The following PDCD1LG2 variants were observed in gnomAD, a reference collection of about 807,000 sequenced individuals.
PDCD1LG2 encodes the protein B7 dendritic cell molecule.
PDCD1LG2 carries 32 observed loss-of-function variants against 28.2 expected under a neutral mutation model. The ratio of observed to expected loss-of-function variants is 1.13; its 90% CI spans 0.86 to 1.52. The LOEUF is 1.52. Among genes scored for constraint, PDCD1LG2 ranks in the 40% most tolerant of loss-of-function variants. The pLI is 0.00. For missense variants in PDCD1LG2, 385 were observed against 323.8 expected (o/e 1.19, Z -1.45); for synonymous variants, 116 against 120.2 (o/e 0.97, Z 0.23).
chr9:5,562,971 G>T (rs1159884349), intron 5 of PDCD1LG2, among the ~76,000 whole-genome samples, 191 bp from the exon 6 acceptor site: 3 of 152,158 alleles, frequency 2.0e-5, no homozygotes, highest in African/African-American at 7.2e-5. Context: ...AGACTTCTTT[G>T]TTCACACTCT....
At chr9:5,533,576 A>T (rs1820523891) in intron 2 of PDCD1LG2, among the ~76,000 whole-genome samples, 1 of 152,220 alleles carries the variant, frequency 6.6e-6, no homozygotes, top group Admixed American at 6.5e-5. Flanking sequence ...TCTAGTTGAA[A>T]TTATATGCAA....
At chr9:5,553,864 T>C (rs1816384564) in intron 4 of PDCD1LG2, among the ~76,000 whole-genome samples, 1 of 152,200 alleles carries the variant, frequency 6.6e-6, no homozygotes. Context: ...TCCTACTGTT[T>C]ACTGACATGG....
At chr9:5,555,993 A>G (rs1472505364) in intron 4 of PDCD1LG2, among the ~76,000 whole-genome samples, 1 of 152,268 alleles carries the variant, frequency 6.6e-6, no homozygotes, top group Non-Finnish European at 1.5e-5. Context: ...TAGAAAAGAG[A>G]CAGTCAATTC....
At chr9:5,545,610 A>G (rs1312828414) in intron 3 of PDCD1LG2, among the ~76,000 whole-genome samples, 1 of 152,252 alleles carries the variant, frequency 6.6e-6, no homozygotes, top group African/African-American at 2.4e-5. Context: ...GTGTCCATTT[A>G]ACAGTATAGC....
chr9:5,548,973 A>C (rs1816267313), intron 3 of PDCD1LG2, among the ~76,000 whole-genome samples: 1 of 152,224 alleles, frequency 6.6e-6, no homozygotes, highest in Non-Finnish European at 1.5e-5. Flanking sequence ...AAGAAGCCAC[A>C]AATTGTGGTA....
chr9:5,552,369 C>T (rs1816352151), intron 4 of PDCD1LG2, among the ~76,000 whole-genome samples: 1 of 152,096 alleles, frequency 6.6e-6, no homozygotes, highest in South Asian at 2.1e-4. Flanking sequence ...GCAGAGTATC[C>T]CCTGCTAGAA....
intron 3 of PDCD1LG2, among the ~76,000 whole-genome samples, chr9:5,544,128 TGTCA>T (rs767706587): frequency 7.9e-5 from 12 of 152,234 alleles, no homozygotes; most frequent in South Asian, 2.1e-4. Context: ...GTAACATATC[TGTCA>T]GACAGCCAGA....
Position 5,560,550 on chromosome 9 carries a change from A to G in PDCD1LG2, c.767-2612A>G, listed in dbSNP as rs182474677. On this transcript the variant is annotated intron_variant, in intron 5 of 6. Coordinates refer to ENST00000397747, the MANE Select transcript of PDCD1LG2 (RefSeq NM_025239.4). ...TCATTGGTCCCAAAGCAGGACCCCT[A>G]TGGGTTGATGAGGTAGGAGGAGGTC... Among the ~76,000 whole-genome samples, 545 of 152,250 alleles carry G rather than the reference A, an allele frequency of 3.6e-3. 11 individuals are homozygous for G. The highest frequency in any genetic ancestry group is 1.4e-3 in the Non-Finnish European group (95 of 68,018).
chr9:5,544,007 A>G (rs949174491), intron 3 of PDCD1LG2, among the ~76,000 whole-genome samples: 12 of 152,322 alleles, frequency 7.9e-5, no homozygotes, highest in Non-Finnish European at 1.5e-4. Flanking sequence ...ATCCTCTAAG[A>G]CCAAGGCATG....
At chr9:5,548,045 A>G (rs1410956604) in intron 3 of PDCD1LG2, among the ~76,000 whole-genome samples, 1 of 152,088 alleles carries the variant, frequency 6.6e-6, no homozygotes, top group African/African-American at 2.4e-5. Context: ...CAAAACAGAG[A>G]ATGTAAAAAA....
At chr9:5,528,698 T>C (rs1820426080) in intron 2 of PDCD1LG2, among the ~76,000 whole-genome samples, 1 of 152,216 alleles carries the variant, frequency 6.6e-6, no homozygotes, top group Admixed American at 6.5e-5. Context: ...ATTAAACGAT[T>C]GTTTAATTAT....
chr9:5,520,397 A>G (rs1322294482), intron 1 of PDCD1LG2, among the ~76,000 whole-genome samples: 1 of 152,240 alleles, frequency 6.6e-6, no homozygotes, highest in Non-Finnish European at 1.5e-5. Flanking sequence ...AATCAGTAGA[A>G]CAAATTTGGA....
At chr9:5,554,543 G>C (rs1253817155) in intron 4 of PDCD1LG2, among the ~76,000 whole-genome samples, 1 of 152,178 alleles carries the variant, frequency 6.6e-6, no homozygotes, top group Admixed American at 6.5e-5. Flanking sequence ...GAAACGAAGA[G>C]TATGGTGGGT....
At chr9:5,532,097 T>A (rs1820494452) in intron 2 of PDCD1LG2, among the ~76,000 whole-genome samples, 1 of 152,136 alleles carries the variant, frequency 6.6e-6, no homozygotes, top group Admixed American at 6.5e-5. Flanking sequence ...GTGCAGTGGA[T>A]TAAAATAAAA....
chr9:5,536,496 G>C (rs1024902715), intron 3 of PDCD1LG2, among the ~76,000 whole-genome samples: 2 of 152,208 alleles, frequency 1.3e-5, no homozygotes, highest in African/African-American at 4.8e-5. Flanking sequence ...ACTGAAGTTT[G>C]TCTGAGTTCC....
At chr9:5,538,543 C>T (rs1235620856) in intron 3 of PDCD1LG2, among the ~76,000 whole-genome samples, 1 of 152,050 alleles carries the variant, frequency 6.6e-6, no homozygotes, top group Non-Finnish European at 1.5e-5. Flanking sequence ...CAAAAATTAG[C>T]CGGGCGCGGT....
At chr9:5,527,896 T>C (rs1026115563) in intron 2 of PDCD1LG2, among the ~76,000 whole-genome samples, 6 of 152,178 alleles carry the variant, frequency 3.9e-5, no homozygotes, top group African/African-American at 1.4e-4. Context: ...TGCCGTGATC[T>C]TGGCTTACTG....
chr9:5,548,882 G>T (rs554063170), intron 3 of PDCD1LG2, among the ~76,000 whole-genome samples: 1 of 152,300 alleles, frequency 6.6e-6, no homozygotes, highest in Admixed American at 6.5e-5. Flanking sequence ...AATAAAGTGA[G>T]ATAGTGGGTA....
chr9:5,534,933 C>G lies in PDCD1LG2; in HGVS notation c.244C>G (p.Leu82Val), dbSNP rs1820551727. ...RATLLEEQLP[L>V]GKASFHIPQV... ...CACTTTGCTGGAGGAGCAGCTGCCC[C>G]TAGGGAAGGCCTCGTTCCACATACC... Residue 82 changes from leucine to valine, a missense_variant, in exon 3 of 7, where the codon CTA becomes GTA. Physicochemically the swap from Leu to Val is conservative, Grantham distance 32. Transcript: ENST00000397747. 6.2e-7 allele frequency: 1 copy of G among 1,614,086 alleles called. No individual in the cohort carries two copies. Among genetic ancestry groups the G allele is most frequent in the Non-Finnish European group, 8.5e-7 (1 of 1,179,996 alleles).
Sources: allele counts gnomAD v4.1 joint callset (sites outside exome capture counted in the v4.1 genomes callset), GRCh38; gene constraint gnomAD v4.1.1; transcripts MANE v1.5; gene names NCBI Gene and HGNC (gene_info 2026-07-23, HGNC 2026-07-21).